RSPH14: variants seen among roughly 807,000 people sequenced by gnomAD.
RSPH14 encodes rhabdoid tumor deletion region gene 1.
In RSPH14, 20 loss-of-function variants were observed where a neutral mutation model predicts 26.7. That is an observed-to-expected ratio of 0.75 (90% CI 0.53 to 1.09). The LOEUF (loss-of-function observed/expected upper bound fraction) is 1.09, where lower values mean the gene tolerates loss of function less well. Among genes scored for constraint, RSPH14 ranks in the 50% least tolerant of loss-of-function variants. RSPH14 has a pLI of 0.00. For missense variants in RSPH14, 449 were observed against 457.2 expected (o/e 0.98, Z 0.16); for synonymous variants, 177 against 189.3 (o/e 0.93, Z 0.53).
intron 4 of RSPH14, among the ~76,000 whole-genome samples, chr22:23,068,814 A>T (rs1362929810): frequency 6.6e-6 from 1 of 152,234 alleles, no homozygotes; most frequent in East Asian, 1.9e-4. Flanking sequence ...ACAGAGGCTC[A>T]GCCAGGTAGC....
At chr22:23,096,059 C>T (rs1231691438) in intron 4 of RSPH14, 1 of 1,607,634 alleles carries the variant, frequency 6.2e-7, no homozygotes, top group East Asian at 2.2e-5. Flanking sequence ...CGAGATCACA[C>T]CCGAGCTGCT....
In RSPH14 at chr22:23,125,559, G is replaced by A. The variant is rs9624032; in HGVS notation, c.421+8467C>T. Among the ~76,000 whole-genome samples the A allele has an allele frequency of 2.0e-3, 300 of 152,316 alleles. 3 individuals are homozygous for A. The highest frequency in any genetic ancestry group is 6.9e-3 in the African/African-American group (285 of 41,570). The stretch of plus-strand genomic sequence containing the variant: ...TATCTGGATATAGTGGAAAAGTGCC[G>A]ATCAGAAGTCAACGGAGTGCATTCA... On this transcript the variant is annotated intron_variant, in intron 4 of 6. Transcript: ENST00000216036.
chr22:23,147,900 G>A (rs1362998959), upstream of RSPH14, among the ~76,000 whole-genome samples: 1 of 152,172 alleles, frequency 6.6e-6, no homozygotes, highest in Admixed American at 6.5e-5. Context: ...GCAGTAGAGT[G>A]TGTGCAGCAC....
intron 4 of RSPH14, among the ~76,000 whole-genome samples, chr22:23,119,178 A>C (rs771221369): frequency 6.6e-6 from 1 of 152,344 alleles, no homozygotes; most frequent in Non-Finnish European, 1.5e-5. Flanking sequence ...TCTGCACTCC[A>C]GGCTGCAAGA....
chr22:23,173,289 C>G, the RSPH14 span, among the ~76,000 whole-genome samples: 1 of 151,916 alleles, frequency 6.6e-6, no homozygotes, highest in African/African-American at 2.4e-5. Flanking sequence ...TGCCTGCCAC[C>G]ATGCCCAGCT....
At chr22:23,127,084 A>G (rs1193475597) in intron 4 of RSPH14, among the ~76,000 whole-genome samples, 2 of 152,062 alleles carry the variant, frequency 1.3e-5, no homozygotes, top group African/African-American at 4.8e-5. Context: ...GAGGGGCTTT[A>G]CTCTGTCCAC....
chr22:23,180,275 G>A, the RSPH14 span: 3,665 of 191,162 alleles, frequency 0.019, 117 homozygotes, highest in African/African-American at 0.08. Flanking sequence ...AGGGAGTCCG[G>A]TGTCTTTTTT....
chr22:23,158,113 C>G, the RSPH14 span: 10 of 1,594,670 alleles, frequency 6.3e-6, no homozygotes, highest in East Asian at 2.0e-4. Context: ...GCTCCCAGAC[C>G]CTGGCCAGTG....
chr22:23,094,816 G>A (rs1268288208), intron 4 of RSPH14, among the ~76,000 whole-genome samples: 4 of 152,254 alleles, frequency 2.6e-5, no homozygotes, highest in Non-Finnish European at 5.9e-5. Flanking sequence ...TCAGGGAGGC[G>A]CTCAGTTATC....
Position 23,137,146 on chromosome 22 carries a change from C to T in RSPH14, c.302+1694G>A, listed in dbSNP as rs570229814. 2.2e-5 allele frequency among the ~76,000 whole-genome samples: 3 copies of T among 139,148 alleles called. 1 individual carries two copies. Among genetic ancestry groups the T allele is most frequent in the African/African-American group, 7.7e-5 (3 of 39,172 alleles). The allele number at this position is 139,148 out of a possible 152,430, so 91.3% of individuals were successfully genotyped here. Reference sequence around the variant, plus strand: ...CTTGGGGACTAGCAGGGCTGAGTGACTTTGGGTTTTATGAGATGCCCTGCA... The same window carrying T: ...CTTGGGGACTAGCAGGGCTGAGTGATTTTGGGTTTTATGAGATGCCCTGCA... On this transcript the variant is annotated intron_variant, in intron 3 of 6. Transcript: ENST00000216036.
intron 4 of RSPH14, among the ~76,000 whole-genome samples, 162 bp from the exon 5 acceptor site, chr22:23,064,295 G>A (rs1325379662): frequency 6.6e-6 from 1 of 152,186 alleles, no homozygotes; most frequent in African/African-American, 2.4e-5. Flanking sequence ...CCTGGCCAGG[G>A]GCCTGAGCGA....
chr22:23,146,011 A>G (rs2070750746), upstream of RSPH14: 2 of 985,104 alleles, frequency 2.0e-6, no homozygotes, highest in African/African-American at 1.7e-5. Flanking sequence ...GAGCTGTGCC[A>G]TGCCTCACAG....
At chr22:23,129,234 C>T (rs2070250897) in intron 4 of RSPH14, among the ~76,000 whole-genome samples, 1 of 152,194 alleles carries the variant, frequency 6.6e-6, no homozygotes, top group African/African-American at 2.4e-5. Context: ...TGCCACATTG[C>T]CTCCTTCCCT....
chr22:23,078,750 G>C (rs2068581979), intron 4 of RSPH14, among the ~76,000 whole-genome samples: 1 of 152,234 alleles, frequency 6.6e-6, no homozygotes, highest in East Asian at 1.9e-4. Flanking sequence ...TTCTAAGGGG[G>C]CTGAGGGGCC....
upstream of RSPH14, among the ~76,000 whole-genome samples, chr22:23,142,511 T>A (rs1346215029): frequency 6.6e-6 from 1 of 152,206 alleles, no homozygotes; most frequent in Non-Finnish European, 1.5e-5. Flanking sequence ...CTAATTTTTG[T>A]ATTTTTAGTA....
intron 1 of RSPH14, 23 bp from the exon 2 acceptor site, chr22:23,140,495 C>G: frequency 6.5e-7 from 1 of 1,544,764 alleles, no homozygotes; most frequent in Non-Finnish European, 8.8e-7. Flanking sequence ...AAAAAGCTGT[C>G]ATTATTTCTA....
upstream of RSPH14, among the ~76,000 whole-genome samples, chr22:23,144,572 G>T (rs2070678387): frequency 1.3e-5 from 2 of 152,144 alleles, no homozygotes; most frequent in Non-Finnish European, 2.9e-5. Context: ...ATTAAACAGA[G>T]CCAGGTGTGG....
the RSPH14 span, chr22:23,150,107 C>A: frequency 1.9e-6 from 3 of 1,612,508 alleles, no homozygotes; most frequent in Non-Finnish European, 2.5e-6. Flanking sequence ...AGCACTTCCA[C>A]GGGCAGGTCA....
chr22:23,112,524 C>T (rs543677789), intron 4 of RSPH14, among the ~76,000 whole-genome samples: 5 of 152,254 alleles, frequency 3.3e-5, no homozygotes, highest in African/African-American at 7.2e-5. Flanking sequence ...TCTGTGGCCA[C>T]GGCAGGAGGG....
Sources: allele counts gnomAD v4.1 joint callset (sites outside exome capture counted in the v4.1 genomes callset), GRCh38; gene constraint gnomAD v4.1.1; transcripts MANE v1.5; gene names NCBI Gene and HGNC (gene_info 2026-07-23, HGNC 2026-07-21).